C9orf153: variants seen among roughly 807,000 people sequenced by gnomAD.
C9orf153 encodes the protein chromosome 9 open reading frame 153.
A neutral mutation model predicts 9.0 loss-of-function variants in C9orf153; 10 were observed. That is an observed-to-expected ratio of 1.11 (90% CI 0.69 to 1.89). C9orf153 has a LOEUF of 1.89. Ranked by LOEUF, C9orf153 falls within the 40% of genes most tolerant of loss-of-function variation. C9orf153 has a pLI of 0.00. For missense variants in C9orf153, 108 were observed against 111.0 expected, an observed-to-expected ratio of 0.97 and a Z score of 0.12; for synonymous variants, 35 against 37.3, an observed-to-expected ratio of 0.94 and a Z score of 0.23.
chr9:86,247,901 C>G (rs1824904571), intron 1 of C9orf153, among the ~76,000 whole-genome samples: 1 of 152,134 alleles, frequency 6.6e-6, no homozygotes, highest in African/African-American at 2.4e-5. Flanking sequence ...CTCTGACGGT[C>G]TGGGGATCAT....
chr9:86,236,956 A>AC (rs1824610202), intron 1 of C9orf153, among the ~76,000 whole-genome samples: 1 of 150,708 alleles, frequency 6.6e-6, no homozygotes, highest in Non-Finnish European at 1.5e-5. Flanking sequence ...AAAAAAAAAA[A>AC]CAAAATATAA....
At chr9:86,227,777 G>A in intron 3 of C9orf153, 78 bp downstream of exon 3, 1 of 1,520,144 alleles carries the variant, frequency 6.6e-7, no homozygotes, top group Non-Finnish European at 8.8e-7. Flanking sequence ...CTCCATGGGA[G>A]AGAGTGAGCT....
chr9:86,229,887 A>T (rs936416619), intron 1 of C9orf153, among the ~76,000 whole-genome samples: 2 of 152,148 alleles, frequency 1.3e-5, no homozygotes, highest in Admixed American at 1.3e-4. Context: ...CAGGAAACTT[A>T]CAATTATTGG....
intron 1 of C9orf153, among the ~76,000 whole-genome samples, chr9:86,245,766 G>A (rs1180495041): frequency 6.6e-6 from 1 of 151,810 alleles, no homozygotes; most frequent in Admixed American, 6.6e-5. Context: ...ACCTATTCAG[G>A]GCATCAGCAC....
At chr9:86,233,701 G>T (rs1824518536) in intron 1 of C9orf153, among the ~76,000 whole-genome samples, 1 of 152,146 alleles carries the variant, frequency 6.6e-6, no homozygotes, top group Non-Finnish European at 1.5e-5. Context: ...ACAGGTGTGA[G>T]CCACTGTGCT....
At chr9:86,225,087 G>C (rs1824292769) in intron 3 of C9orf153, among the ~76,000 whole-genome samples, 1 of 152,022 alleles carries the variant, frequency 6.6e-6, no homozygotes, top group Non-Finnish European at 1.5e-5. Context: ...GCCTGAACAA[G>C]AGGAGCTCAT....
chr9:86,241,719 G>T (rs1049796769), intron 1 of C9orf153, among the ~76,000 whole-genome samples: 3 of 152,074 alleles, frequency 2.0e-5, no homozygotes, highest in Admixed American at 2.0e-4. Context: ...TCCACCTCCT[G>T]GGTTCAAGTG....
intron 1 of C9orf153, among the ~76,000 whole-genome samples, chr9:86,252,572 T>C (rs1327883897): frequency 6.6e-6 from 1 of 152,186 alleles, no homozygotes. Flanking sequence ...TTTTTACTAT[T>C]GGGGCCCCTG....
chr9:86,230,501 G>A (rs1314255356), intron 1 of C9orf153, among the ~76,000 whole-genome samples: 9 of 152,066 alleles, frequency 5.9e-5, no homozygotes, highest in East Asian at 3.9e-4. Context: ...GGGTTTCACC[G>A]TGTTGGTCAG....
At position 86,229,260 on chromosome 9, in the gene C9orf153, G is replaced by GAA. The variant is rs112787729; in HGVS notation, c.66+276_66+277dup. On this transcript the variant is annotated intron_variant, in intron 2 of 3. Transcript: ENST00000339137. ...TCTGGTTAATACATCTTTTCCTAAA[G>GAA]AAAAAAAAAAAAAAGAAAGTGTGCT... is the stretch of plus-strand genomic sequence containing the variant. 2.3e-3 allele frequency among the ~76,000 whole-genome samples: 325 copies of GAA among 139,578 alleles called. 1 individual carries two copies. The highest frequency in any genetic ancestry group is 7.4e-3 in the Middle Eastern group (2 of 270). The allele number at this position is 139,578 out of a possible 152,430, so 91.6% of individuals were successfully genotyped here.
chr9:86,227,453 G>A (rs1375020880), intron 3 of C9orf153: 1 of 1,438,502 alleles, frequency 7.0e-7, no homozygotes, highest in African/African-American at 1.5e-5. Flanking sequence ...CAAAATTGCT[G>A]TAGGTCAGTA....
chr9:86,221,673 C>T lies in C9orf153; in HGVS notation c.*15G>A. The T allele has an allele frequency of 1.9e-6, 3 of 1,549,238 alleles. No homozygotes were observed. The highest frequency in any genetic ancestry group is 2.5e-5 in the East Asian group (1 of 40,742). ...GAATGAAATTGCAGTAGTGCGCCTCCACTTCGCAAGCCCCTTAAAATATCT... is the reference window on the plus strand; with the variant it reads ...GAATGAAATTGCAGTAGTGCGCCTCTACTTCGCAAGCCCCTTAAAATATCT... On this transcript the variant is annotated 3_prime_UTR_variant, in exon 4 of 4. Coordinates refer to ENST00000339137, the MANE Select transcript of C9orf153 (RefSeq NM_001276366.4).
intron 1 of C9orf153, among the ~76,000 whole-genome samples, chr9:86,245,333 C>A (rs772611870): frequency 1.3e-5 from 2 of 152,164 alleles, no homozygotes; most frequent in Admixed American, 1.3e-4. Flanking sequence ...TAACTGCATG[C>A]GCATCATTGT....
intron 1 of C9orf153, among the ~76,000 whole-genome samples, chr9:86,247,452 C>T (rs978405529): frequency 2.0e-5 from 3 of 152,082 alleles, no homozygotes; most frequent in Admixed American, 6.6e-5. Flanking sequence ...GAGGCTGAAG[C>T]GGGTGGATTG....
intron 1 of C9orf153, among the ~76,000 whole-genome samples, chr9:86,232,826 G>A (rs376114271): frequency 6.6e-6 from 1 of 151,880 alleles, no homozygotes; most frequent in African/African-American, 2.4e-5. Flanking sequence ...TCCAGTTCCC[G>A]GGTTCAAGCC....
chr9:86,240,377 C>CTTT (rs34559572), intron 1 of C9orf153, among the ~76,000 whole-genome samples: 3 of 135,898 alleles, frequency 2.2e-5, no homozygotes, highest in South Asian at 2.4e-4. Context: ...TCTTCTTTTC[C>CTTT]TTTTTTTTTT....
At chr9:86,237,381 G>A (rs1182396410) in intron 1 of C9orf153, among the ~76,000 whole-genome samples, 2 of 152,148 alleles carry the variant, frequency 1.3e-5, no homozygotes, top group African/African-American at 4.8e-5. Context: ...ACACTAATTA[G>A]AAACAGAGAG....
chr9:86,228,230 C>T (rs1335223408), intron 2 of C9orf153, among the ~76,000 whole-genome samples, 200 bp from the exon 3 acceptor site: 1 of 152,142 alleles, frequency 6.6e-6, no homozygotes, highest in East Asian at 1.9e-4. Context: ...GGTCAAATCT[C>T]CGATTCACTC....
intron 3 of C9orf153, among the ~76,000 whole-genome samples, chr9:86,224,553 A>T (rs898050515): frequency 5.9e-5 from 9 of 152,100 alleles, no homozygotes; most frequent in African/African-American, 2.2e-4. Flanking sequence ...CCACAAAGAA[A>T]TGGTAAGTGC....
Sources: gnomAD v4.1 joint callset for allele counts (sites outside exome capture counted in the v4.1 genomes callset) on GRCh38, gnomAD v4.1.1 for gene constraint, MANE v1.5 for transcripts, NCBI Gene and HGNC (gene_info 2026-07-23, HGNC 2026-07-21) for gene names.